Variants in SMARCA2 observed in about 807,000 individuals in gnomAD.
SMARCA2 encodes SWI/SNF related BAF chromatin remodeling complex subunit ATPase 2, also known as SWI/SNF-related matrix-associated actin-dependent regulator of chromatin subfamily A member 2.
A neutral mutation model predicts 199.8 loss-of-function variants in SMARCA2; 61 were observed. The ratio of observed to expected loss-of-function variants is 0.31; its 90% CI spans 0.25 to 0.38. The LOEUF is 0.38. Among genes scored for constraint, SMARCA2 ranks in the 10% least tolerant of loss-of-function variants. The probability of loss-of-function intolerance (pLI) is 1.00; values close to 1 mark genes in which losing one functional copy is unlikely to be tolerated. For missense variants in SMARCA2, 1,344 were observed against 2,012.2 expected (o/e 0.67, Z 6.35); for synonymous variants, 935 against 732.0 (o/e 1.28, Z -4.48).
chr9:2,096,501 T>C (rs1342770821), intron 19 of SMARCA2, 156 bp from the exon 20 acceptor site: 2 of 599,620 alleles, frequency 3.3e-6, no homozygotes, highest in African/African-American at 3.7e-5. Context: ...CTCTGGTCTC[T>C]TCTAACACCC....
rs1818948184 is a variant in SMARCA2 at position 2,028,980 on chromosome 9, A to G, written c.-36-7A>G. 3 of 1,538,784 alleles carry G rather than the reference A, an allele frequency of 1.9e-6. No individual in the cohort carries two copies. Among genetic ancestry groups the G allele is most frequent in the Non-Finnish European group, 2.6e-6 (3 of 1,144,338 alleles). On this transcript the variant is annotated splice_region_variant and splice_polypyrimidine_tract_variant and intron_variant, in intron 1 of 33. Transcript: ENST00000349721. ...CATGCCTTCCTTTTTTCTGCTTTTC[A>G]ACTTAGCATTACTCTACTGACTGGC...
chr9:2,192,077 G>C (rs117481542), intron 33 of SMARCA2: 4,397 of 156,384 alleles, frequency 0.028, 74 homozygotes, highest in Middle Eastern at 0.098. Context: ...GACCCGAGTA[G>C]CATAACTCAG....
intron 10 of SMARCA2, chr9:2,072,999 G>A (rs1454121951): frequency 7.4e-6 from 4 of 541,966 alleles, no homozygotes; most frequent in Non-Finnish European, 1.3e-5. Context: ...TGAGGTTTGT[G>A]CCTGTATCTT....
At chr9:2,078,466 C>T (rs568407372) in intron 14 of SMARCA2, among the ~76,000 whole-genome samples, 3 of 149,850 alleles carry the variant, frequency 2.0e-5, no homozygotes, top group Non-Finnish European at 3.0e-5. Context: ...AGTGAAACTC[C>T]ATCTACAAAA....
At chr9:2,063,610 A>T (rs1820696268) in intron 9 of SMARCA2, among the ~76,000 whole-genome samples, 2 of 152,228 alleles carry the variant, frequency 1.3e-5, no homozygotes, top group African/African-American at 4.8e-5. Context: ...GCTGGTAGCA[A>T]CACTTGAAGG....
chr9:2,073,521 T>C, intron 11 of SMARCA2, 45 bp from the exon 12 acceptor site: 1 of 1,545,594 alleles, frequency 6.5e-7, no homozygotes, highest in Non-Finnish European at 8.9e-7. Context: ...TGTATTGTAA[T>C]TTAAAAAACT....
Position 2,192,731 on chromosome 9 carries a change from G to C in SMARCA2, c.4765G>C (p.Asp1589His), listed in dbSNP as rs1380500654. 6.8e-6 allele frequency: 11 copies of C among 1,609,142 alleles called. No homozygotes were observed. The highest frequency in any genetic ancestry group is 1.7e-5 in the Admixed American group (1 of 59,996). Residue 1589 changes from aspartate (D) to histidine (H), a missense_variant, in exon 34 of 34, where the codon GAT (aspartate) becomes CAT (histidine). Transcript: ENST00000349721. ...ACAGTCAGAAGGAAGTGGGACGGAT[G>C]ATGAGTGATCAGTATGGACCTTTTT... ...REQSEGSGTD[D>H]E
At position 2,119,202 on chromosome 9, in the gene SMARCA2, G is replaced by A. The variant is rs1387070050; in HGVS notation, c.3685-256G>A. Among the ~76,000 whole-genome samples, 2 of 152,180 alleles carry A rather than the reference G, an allele frequency of 1.3e-5. No individual in the cohort carries two copies. The highest frequency in any genetic ancestry group is 2.9e-5 in the Non-Finnish European group (2 of 68,026). ...TAAGTAACTTGTTGTAAAAGTAACAGAATCAAGATACACATCCAGGAGAAC... is the reference window on the plus strand; with the variant it reads ...TAAGTAACTTGTTGTAAAAGTAACAAAATCAAGATACACATCCAGGAGAAC... On this transcript the variant is annotated intron_variant, in intron 25 of 33. Coordinates refer to ENST00000349721, the MANE Select transcript of SMARCA2 (RefSeq NM_003070.5). The surrounding 1 kb of genome is among the most constrained non-coding windows in gnomAD (Gnocchi z 4.6).
intron 13 of SMARCA2, among the ~76,000 whole-genome samples, chr9:2,076,737 A>G (rs1821341057): frequency 6.6e-6 from 1 of 151,874 alleles, no homozygotes; most frequent in Admixed American, 6.6e-5. Context: ...CCTGAAACCC[A>G]AGTGAGAGAC....
intron 1 of SMARCA2, among the ~76,000 whole-genome samples, chr9:2,020,678 A>G (rs1818562122): frequency 6.6e-6 from 1 of 152,198 alleles, no homozygotes. Flanking sequence ...TTAATATAGC[A>G]CTTTTCCTTG....
chr9:2,160,164 G>A (rs1387095663), intron 27 of SMARCA2: 2 of 471,346 alleles, frequency 4.2e-6, no homozygotes, highest in African/African-American at 3.9e-5. Flanking sequence ...GCTGTATAGT[G>A]GGTGTCCTGC....
chr9:2,067,753 A>G (rs1820908008), intron 9 of SMARCA2, among the ~76,000 whole-genome samples: 1 of 152,236 alleles, frequency 6.6e-6, no homozygotes. Flanking sequence ...CTTAAATCTA[A>G]TATTACTCTG....
intron 23 of SMARCA2, among the ~76,000 whole-genome samples, chr9:2,106,561 A>C (rs570769067): frequency 6.6e-6 from 1 of 152,316 alleles, no homozygotes; most frequent in Admixed American, 6.5e-5. Flanking sequence ...ATACACACAG[A>C]TAAGTTAGTA....
rs1160516489 is a variant in SMARCA2 at position 2,039,754 on chromosome 9, TGCAGCAACAACA to T, written c.651_662del (p.Gln235_Gln238del). The T allele has an allele frequency of 1.3e-5, 21 of 1,613,118 alleles. No individual in the cohort carries two copies. The African/African-American group carries it at 2.4e-4, about 19-fold the overall frequency. On this transcript the variant is annotated inframe_deletion, in exon 4 of 34. Transcript: ENST00000349721. The surrounding 1 kb of genome is among the most constrained non-coding windows in gnomAD (Gnocchi z 4.8). ...CAGGGGAAAAGGACGTTGCCTGGCT[TGCAGCAACAACA>T]GCAGCAGCAACAGCAGCAGCAGCAG...
intron 19 of SMARCA2, among the ~76,000 whole-genome samples, chr9:2,090,125 A>G (rs1352966008): frequency 6.6e-6 from 1 of 152,234 alleles, no homozygotes; most frequent in African/African-American, 2.4e-5. Flanking sequence ...GATTAATTAT[A>G]TCACAAAGGA....
chr9:2,023,106 T>C (rs1045898135), intron 1 of SMARCA2, among the ~76,000 whole-genome samples: 1 of 152,200 alleles, frequency 6.6e-6, no homozygotes, highest in Non-Finnish European at 1.5e-5. Context: ...GCTGGTAGAC[T>C]CTTTTGAGAT....
Position 2,115,139 on chromosome 9 carries a change from G to A in SMARCA2, c.3457-683G>A, listed in dbSNP as rs1010976266. ...TGCATATCTATGATTATTTGTTTAGGATACATTTCCGAAGTAATATTTCTA... is the reference window on the plus strand; with the variant it reads ...TGCATATCTATGATTATTTGTTTAGAATACATTTCCGAAGTAATATTTCTA... On this transcript the variant is annotated intron_variant, in intron 24 of 33. Coordinates refer to ENST00000349721, the MANE Select transcript of SMARCA2 (RefSeq NM_003070.5). This position sits in a 1 kb window ranked among gnomAD's most constrained non-coding sequence, Gnocchi z 6.0. 8.0e-6 allele frequency among the ~76,000 whole-genome samples: 1 copy of A among 124,480 alleles called. No homozygotes were observed. The highest frequency in any genetic ancestry group is 1.5e-5 in the Non-Finnish European group (1 of 65,362). The allele number at this position is 124,480 out of a possible 152,430, so 81.7% of individuals were successfully genotyped here.
At position 2,086,903 on chromosome 9, in the gene SMARCA2, G is replaced by A; in HGVS notation, c.2601G>A (p.Leu867=). The change falls in exon 18 of 34, where the codon TTG becomes TTA. Residue 867 remains leucine, a synonymous_variant. Transcript: ENST00000349721. This position sits in a 1 kb window ranked among gnomAD's most constrained non-coding sequence, Gnocchi z 4.3. ...ACCACTGCAAGCTGACTCAGGTCTT[G>A]AACACTCACTATGTGGCCCCCAGAA... ...KNHHCKLTQV[L]NTHYVAPRRI... The A allele has an allele frequency of 6.2e-7, 1 of 1,614,190 alleles. No homozygotes were observed.
chr9:2,056,540 C>T lies in SMARCA2; in HGVS notation c.1174-132C>T. On this transcript the variant is annotated intron_variant, in intron 6 of 33. Coordinates refer to ENST00000349721, the MANE Select transcript of SMARCA2 (RefSeq NM_003070.5). The surrounding 1 kb of genome is among the most constrained non-coding windows in gnomAD (Gnocchi z 4.0). ...TTTTAGTTCCTTCATTTAATACAAACCAAAGGTGATTGAGAAGCTTGTGGA... is the reference window on the plus strand; with the variant it reads ...TTTTAGTTCCTTCATTTAATACAAATCAAAGGTGATTGAGAAGCTTGTGGA... The T allele has an allele frequency of 1.4e-6, 1 of 737,672 alleles. No homozygotes were observed. Among genetic ancestry groups the T allele is most frequent in the Non-Finnish European group, 2.2e-6 (1 of 463,528 alleles). 45.7% of individuals were successfully genotyped at this position (737,672 alleles called of 1,614,324 possible).
Sources: allele counts gnomAD v4.1 joint callset (sites outside exome capture counted in the v4.1 genomes callset), GRCh38; gene constraint gnomAD v4.1.1; non-coding constraint Gnocchi (gnomAD v3.1); transcripts MANE v1.5; gene names NCBI Gene and HGNC (gene_info 2026-07-23, HGNC 2026-07-21).